The following APCDD1L variants were observed in gnomAD, a reference collection of about 807,000 sequenced individuals.
APCDD1L encodes APC down-regulated 1 like, also known as protein APCDD1-like.
APCDD1L carries 21 observed loss-of-function variants against 24.2 expected under a neutral mutation model. The observed-to-expected ratio is 0.87, with a 90% CI of 0.61 to 1.25. The LOEUF is 1.25. Ranked by LOEUF, APCDD1L falls within the 50% of genes most tolerant of loss-of-function variation. APCDD1L has a pLI of 0.00. For synonymous variants in APCDD1L, 321 were observed against 323.6 expected (o/e 0.99, Z 0.09); for missense variants, 704 against 711.7 (o/e 0.99, Z 0.12).
chr20:58,471,232 C>G (rs909944857), intron 1 of APCDD1L, among the ~76,000 whole-genome samples: 1 of 152,208 alleles, frequency 6.6e-6, no homozygotes, highest in African/African-American at 2.4e-5. Flanking sequence ...CTCCCCTCCA[C>G]CAAGGAGCCC....
At position 58,514,672 on chromosome 20, in the gene APCDD1L, C is replaced by A; in HGVS notation, c.36G>T (p.Leu12=). 1 of 1,314,712 alleles carries A rather than the reference C, an allele frequency of 7.6e-7. No homozygotes were observed. The allele number at this position is 1,314,712 out of a possible 1,614,324, so 81.4% of individuals were successfully genotyped here. Reference sequence around the variant, plus strand: ...GGTGGCACCTACCTCCCAAAAGCACCAGGACGCAAGCGTAGGGGAGCATGG... The same window carrying A: ...GGTGGCACCTACCTCCCAAAAGCACAAGGACGCAAGCGTAGGGGAGCATGG... The part of the protein sequence containing the change: ...PAAMLPYACV[L]VLLGAHTAPA... Residue 12 remains leucine (L), a synonymous_variant, in exon 1 of 4, where the codon CTG becomes CTT. Coordinates refer to ENST00000371149, the MANE Select transcript of APCDD1L (RefSeq NM_153360.3).
chr20:58,481,652 T>C (rs1321732760), intron 1 of APCDD1L, among the ~76,000 whole-genome samples: 2 of 152,090 alleles, frequency 1.3e-5, no homozygotes, highest in Non-Finnish European at 2.9e-5. Context: ...CACCGAGCTG[T>C]TCTTGGGAGC....
At chr20:58,496,781 G>C (rs773770512) in intron 1 of APCDD1L, among the ~76,000 whole-genome samples, 21 of 152,170 alleles carry the variant, frequency 1.4e-4, no homozygotes, top group Non-Finnish European at 2.9e-4. Flanking sequence ...GCAAGGAAGA[G>C]TGGAACTGTG....
At chr20:58,506,382 C>T (rs1273554880) in intron 1 of APCDD1L, among the ~76,000 whole-genome samples, 3 of 152,190 alleles carry the variant, frequency 2.0e-5, no homozygotes, top group African/African-American at 7.2e-5. Flanking sequence ...GTAGCAGGTC[C>T]AAAGGCTGGA....
At chr20:58,486,548 T>C (rs951170080) in intron 1 of APCDD1L, among the ~76,000 whole-genome samples, 1 of 152,058 alleles carries the variant, frequency 6.6e-6, no homozygotes, top group Non-Finnish European at 1.5e-5. Context: ...GGAGATGCAA[T>C]TGGTGAAGAA....
intron 1 of APCDD1L, among the ~76,000 whole-genome samples, chr20:58,512,402 A>G (rs551332883): frequency 8.5e-5 from 13 of 152,254 alleles, no homozygotes; most frequent in African/African-American, 3.1e-4. Flanking sequence ...ATATCTGGAG[A>G]CATTTTCAGT....
chr20:58,508,262 C>T lies in APCDD1L; in HGVS notation c.49+6397G>A, dbSNP rs1990557684. 6.6e-6 allele frequency among the ~76,000 whole-genome samples: 1 copy of T among 152,180 alleles called. No individual in the cohort carries two copies. The highest frequency in any genetic ancestry group is 6.5e-5 in the Admixed American group (1 of 15,292). On this transcript the variant is annotated intron_variant, in intron 1 of 3. Transcript: ENST00000371149. This position sits in a 1 kb window ranked among gnomAD's most constrained non-coding sequence, Gnocchi z 4.0. ...CAGGCTGGTGGGCTCTGAGTGACTG[C>T]TTCATGGTGGTGCTTCCAGCCCAGC...
At chr20:58,513,179 AG>A (rs1990662925) in intron 1 of APCDD1L, among the ~76,000 whole-genome samples, 2 of 152,206 alleles carry the variant, frequency 1.3e-5, no homozygotes, top group African/African-American at 4.8e-5. Context: ...GGATGAGAGC[AG>A]ATGGACACCC....
At position 58,497,260 on chromosome 20, in the gene APCDD1L, G is replaced by T. The variant is rs1990343490; in HGVS notation, c.49+17399C>A. Among the ~76,000 whole-genome samples, 3 of 152,088 alleles carry T rather than the reference G, an allele frequency of 2.0e-5. No homozygotes were observed. Among genetic ancestry groups the T allele is most frequent in the Non-Finnish European group, 4.4e-5 (3 of 67,998 alleles). On this transcript the variant is annotated intron_variant, in intron 1 of 3. Transcript: ENST00000371149. The surrounding 1 kb of genome is among the most constrained non-coding windows in gnomAD (Gnocchi z 4.3). ...GCAGATGCGGGTTTCAGGGAAGGAA[G>T]CTGTAGCACGACTGAAGCCTTAGGC...
At chr20:58,485,425 C>T (rs1432417759) in intron 1 of APCDD1L, among the ~76,000 whole-genome samples, 2 of 152,162 alleles carry the variant, frequency 1.3e-5, no homozygotes, top group Admixed American at 1.3e-4. Flanking sequence ...TTTTACAAGT[C>T]TAACATATGA....
intron 1 of APCDD1L, among the ~76,000 whole-genome samples, chr20:58,487,366 T>C (rs1049717073): frequency 4.9e-5 from 7 of 143,954 alleles, no homozygotes; most frequent in African/African-American, 1.8e-4. Context: ...GAAAGAAAGA[T>C]AAAGTAATAG....
intron 1 of APCDD1L, among the ~76,000 whole-genome samples, chr20:58,481,243 T>TG (rs1990019028): frequency 6.6e-6 from 1 of 152,246 alleles, no homozygotes. Context: ...CCCGTTGGAC[T>TG]GAACTTTTAT....
rs114733751 is a variant in APCDD1L, at chr20:58,481,589, A to C, written c.50-10842T>G. On this transcript the variant is annotated intron_variant, in intron 1 of 3. Coordinates refer to ENST00000371149, the MANE Select transcript of APCDD1L (RefSeq NM_153360.3). The stretch of plus-strand genomic sequence containing the variant: ...TACCCTTGGATCTGAGACCTGCCCA[A>C]AGATGTCGGGGGTGACTGGGAGGAA... Among the ~76,000 whole-genome samples the C allele has an allele frequency of 4.2e-3, 632 of 152,242 alleles. 11 individuals are homozygous for C. Among genetic ancestry groups the C allele is most frequent in the African/African-American group, 0.015 (611 of 41,548 alleles).
At chr20:58,505,448 T>C (rs1020758972) in intron 1 of APCDD1L, among the ~76,000 whole-genome samples, 3 of 152,224 alleles carry the variant, frequency 2.0e-5, no homozygotes, top group African/African-American at 7.2e-5. Flanking sequence ...TTTTTATGTA[T>C]GCATAATTCC....
chr20:58,487,435 GA>G (rs1990141278), intron 1 of APCDD1L, among the ~76,000 whole-genome samples: 1 of 148,444 alleles, frequency 6.7e-6, no homozygotes, highest in Non-Finnish European at 1.5e-5. Context: ...AAGAAAGGAG[GA>G]AAAGAGCATA....
intron 1 of APCDD1L, among the ~76,000 whole-genome samples, chr20:58,511,845 T>G (rs959454001): frequency 1.3e-5 from 2 of 151,902 alleles, no homozygotes; most frequent in Non-Finnish European, 1.5e-5. Context: ...TGACTGTAAA[T>G]GATAACTTGC....
chr20:58,476,403 A>G (rs189861100), intron 1 of APCDD1L, among the ~76,000 whole-genome samples: 16 of 152,140 alleles, frequency 1.1e-4, no homozygotes, highest in Non-Finnish European at 2.1e-4. Flanking sequence ...GTTAGCCAGG[A>G]TGATCTTGAT....
intron 1 of APCDD1L, among the ~76,000 whole-genome samples, chr20:58,475,408 G>C (rs1989888051): frequency 6.6e-6 from 1 of 152,102 alleles, no homozygotes. Context: ...TATCATAACA[G>C]CCTTGTACTT....
chr20:58,467,110 G>GCGCT lies in APCDD1L; in HGVS notation c.733_736dup (p.Ala246GlufsTer110). Reference sequence around the variant, plus strand: ...CACCCCAACACACACACTCACCAGTGCGCTCTGCAGCGGGCGCTGGTAGCC... The same window carrying GCGCT: ...CACCCCAACACACACACTCACCAGTGCGCTCGCTCTGCAGCGGGCGCTGGTAGCC... On this transcript the variant is annotated frameshift_variant, in exon 3 of 4. Transcript: ENST00000371149. LOFTEE classifies it low-confidence loss of function (END_TRUNC). The surrounding 1 kb of genome is among the most constrained non-coding windows in gnomAD (Gnocchi z 5.9). The GCGCT allele has an allele frequency of 6.2e-7, 1 of 1,603,190 alleles. No homozygotes were observed. The highest frequency in any genetic ancestry group is 8.5e-7 in the Non-Finnish European group (1 of 1,177,452).
Sources: gnomAD v4.1 joint callset for allele counts (sites outside exome capture counted in the v4.1 genomes callset) on GRCh38, gnomAD v4.1.1 for gene constraint, Gnocchi (gnomAD v3.1) non-coding constraint, MANE v1.5 for transcripts, NCBI Gene and HGNC (gene_info 2026-07-23, HGNC 2026-07-21) for gene names.